PCDHA1: variants seen among roughly 807,000 people sequenced by gnomAD.
PCDHA1 encodes the protein protocadherin alpha 1, also known as protocadherin alpha-1.
In PCDHA1, 42 loss-of-function variants were observed where a neutral mutation model predicts 61.3. The observed-to-expected ratio is 0.69, with a 90% CI of 0.54 to 0.89. The LOEUF is 0.89. PCDHA1 is among the 40% of genes least tolerant of loss of function. The pLI is 0.00. For synonymous variants in PCDHA1, 610 were observed against 553.8 expected (o/e 1.10, Z -1.43); for missense variants, 1,256 against 1,235.3 (o/e 1.02, Z -0.25).
chr5:140,962,637 T>A (rs556134281), intron 1 of PCDHA1, among the ~76,000 whole-genome samples: 3 of 152,338 alleles, frequency 2.0e-5, no homozygotes, highest in Admixed American at 6.5e-5. Flanking sequence ...AATTTAGCCA[T>A]CAAGTTATGT....
intron 1 of PCDHA1, chr5:140,836,295 G>A: frequency 1.9e-6 from 3 of 1,613,804 alleles, no homozygotes; most frequent in South Asian, 2.2e-5. Flanking sequence ...ACGAGCCCTA[G>A]ATGAGACGGA....
intron 1 of PCDHA1, among the ~76,000 whole-genome samples, chr5:140,912,772 A>T (rs897864498): frequency 1.3e-5 from 2 of 152,190 alleles, no homozygotes; most frequent in South Asian, 4.1e-4. Flanking sequence ...ACTTTGAGGT[A>T]TGTCCCTTCT....
intron 1 of PCDHA1, chr5:140,806,981 G>T: frequency 1.6e-6 from 1 of 638,382 alleles, no homozygotes; most frequent in East Asian, 2.8e-5. Flanking sequence ...TTACGGTTTG[G>T]AGCCACATGA....
At chr5:141,005,939 C>A (rs1183397075) in intron 3 of PCDHA1, among the ~76,000 whole-genome samples, 2 of 151,786 alleles carry the variant, frequency 1.3e-5, no homozygotes, top group Non-Finnish European at 2.9e-5. Flanking sequence ...AGAGTGAGAA[C>A]CTATCTCTAA....
At chr5:141,000,030 C>T (rs1261016075) in intron 3 of PCDHA1, among the ~76,000 whole-genome samples, 3 of 152,058 alleles carry the variant, frequency 2.0e-5, no homozygotes, top group African/African-American at 7.2e-5. Flanking sequence ...GCCTGACATC[C>T]AATCACACAC....
At chr5:140,885,427 G>A (rs1276398573) in intron 1 of PCDHA1, among the ~76,000 whole-genome samples, 1 of 152,092 alleles carries the variant, frequency 6.6e-6, no homozygotes, top group Admixed American at 6.5e-5. Flanking sequence ...ATTCCACAGT[G>A]TAAGTGTGCA....
At chr5:140,856,839 AC>A (rs1220009978) in intron 1 of PCDHA1, 1 of 1,592,554 alleles carries the variant, frequency 6.3e-7, no homozygotes, top group East Asian at 2.2e-5. Context: ...ATACGGCTCA[AC>A]GCTTCTGATT....
At chr5:140,967,697 G>A (rs1554229803) in intron 1 of PCDHA1, 1 of 1,614,196 alleles carries the variant, frequency 6.2e-7, no homozygotes, top group Admixed American at 1.7e-5. Flanking sequence ...CTTCAGCATA[G>A]ATGCCAGTAC....
At chr5:140,960,728 A>G (rs200453950) in intron 1 of PCDHA1, among the ~76,000 whole-genome samples, 1 of 30,214 alleles carries the variant, frequency 3.3e-5, no homozygotes, top group African/African-American at 2.6e-4. Flanking sequence ...ATTTTAGTCC[A>G]TGATTTTAGT....
intron 1 of PCDHA1, chr5:140,858,468 G>A: frequency 6.6e-7 from 1 of 1,521,202 alleles, no homozygotes; most frequent in East Asian, 2.4e-5. Context: ...TTCCTTTTGT[G>A]CTTTATGAAT....
intron 1 of PCDHA1, chr5:140,860,741 A>G (rs1051390184): frequency 2.0e-5 from 3 of 152,018 alleles, no homozygotes; most frequent in Non-Finnish European, 2.9e-5. Context: ...TTTGTTTTTT[A>G]TTTTTTATTT....
chr5:140,835,749 G>A, intron 1 of PCDHA1: 1 of 1,613,432 alleles, frequency 6.2e-7, no homozygotes, highest in Non-Finnish European at 8.5e-7. Context: ...CCCGGCGTTC[G>A]CGCAGCCCGA....
At chr5:140,964,446 G>A (rs782155669) in intron 1 of PCDHA1, among the ~76,000 whole-genome samples, 2 of 152,100 alleles carry the variant, frequency 1.3e-5, no homozygotes, top group Non-Finnish European at 2.9e-5. Context: ...CTCTGCCACT[G>A]TAATCTCTTC....
intron 1 of PCDHA1, chr5:140,821,888 C>T (rs1554128295): frequency 5.6e-6 from 9 of 1,614,106 alleles, no homozygotes; most frequent in Non-Finnish European, 7.6e-6. Context: ...CCGGAGGAAG[C>T]CAAACACGGA....
At chr5:140,927,090 C>T (rs368092094) in intron 1 of PCDHA1, 34 of 1,612,532 alleles carry the variant, frequency 2.1e-5, no homozygotes, top group Non-Finnish European at 1.4e-5. Flanking sequence ...AGCTCTACTT[C>T]GGGGTGGATC....
chr5:140,887,941 A>C (rs529131971), intron 1 of PCDHA1, among the ~76,000 whole-genome samples: 25 of 152,194 alleles, frequency 1.6e-4, no homozygotes, highest in Admixed American at 7.8e-4. Flanking sequence ...TTTATTTCTT[A>C]TCTGTATAAG....
chr5:140,870,218 G>A, intron 1 of PCDHA1: 1 of 1,614,172 alleles, frequency 6.2e-7, no homozygotes, highest in Non-Finnish European at 8.5e-7. Context: ...GCCCTGATCA[G>A]CGTGTCTGAC....
chr5:140,795,927 T>C (rs372029609), intron 1 of PCDHA1: 20 of 1,613,880 alleles, frequency 1.2e-5, no homozygotes, highest in Admixed American at 5.0e-5. Context: ...TTCAGGTCAC[T>C]GCAACTGACA....
chr5:140,882,100 C>T, intron 1 of PCDHA1: 1 of 1,277,590 alleles, frequency 7.8e-7, no homozygotes, highest in Non-Finnish European at 1.1e-6. Flanking sequence ...AGAACGTTTC[C>T]GCGAAGAAAG....
Sources: allele counts gnomAD v4.1 joint callset (sites outside exome capture counted in the v4.1 genomes callset), GRCh38; gene constraint gnomAD v4.1.1; transcripts MANE v1.5; gene names NCBI Gene and HGNC (gene_info 2026-07-23, HGNC 2026-07-21).